PPP3CA: variants seen among roughly 807,000 people sequenced by gnomAD.
PPP3CA encodes the protein CAM-PRP catalytic subunit.
Under a neutral mutation model 66.5 loss-of-function variants are expected in PPP3CA, and 14 were observed. The observed-to-expected ratio is 0.21, with a 90% CI of 0.14 to 0.33. The LOEUF is 0.33. Among genes scored for constraint, PPP3CA ranks in the 10% least tolerant of loss-of-function variants. The pLI is 1.00. For synonymous variants in PPP3CA, 232 were observed against 226.2 expected (o/e 1.03, Z -0.23); for missense variants, 317 against 639.5 (o/e 0.50, Z 5.44).
chr4:101,347,361 G>A lies in PPP3CA; in HGVS notation c.-565C>T. 1 of 195,322 alleles carries A rather than the reference G, an allele frequency of 5.1e-6. No homozygotes were observed. The highest frequency in any genetic ancestry group is 1.0e-5 in the Non-Finnish European group (1 of 97,670). 12.1% of individuals were successfully genotyped at this position (195,322 alleles called of 1,614,324 possible). On this transcript the variant is annotated 5_prime_UTR_variant, in exon 1 of 14. Transcript: ENST00000394854. ...TGCTGCCGCTGCCGCTGTTGCTGCT[G>A]CCGCTGCCCCTGCTTCTCCACACAG...
At chr4:101,092,314 A>G (rs1729989013) in intron 6 of PPP3CA, among the ~76,000 whole-genome samples, 1 of 152,204 alleles carries the variant, frequency 6.6e-6, no homozygotes, top group African/African-American at 2.4e-5. Flanking sequence ...TAAATGATTG[A>G]TTTAACCAAT....
At position 101,195,953 on chromosome 4, in the gene PPP3CA, C is replaced by T. The variant is rs1363401176; in HGVS notation, c.222G>A (p.Gln74=). 1 of 1,613,804 alleles carries T rather than the reference C, an allele frequency of 6.2e-7. No individual in the cohort carries two copies. Among genetic ancestry groups the T allele is most frequent in the Non-Finnish European group, 8.5e-7 (1 of 1,179,900 alleles). ...CATCAATATCCAGCAAATTTTTTTC[C>T]TGTCGAAGAATTGATGCACCCTCTG... ...IITEGASILR[Q]EKNLLDIDAP... Residue 74 remains glutamine (Q), a synonymous_variant, in exon 2 of 14, where the codon CAG becomes CAA. Coordinates refer to ENST00000394854, the MANE Select transcript of PPP3CA (RefSeq NM_000944.5).
chr4:101,189,698 A>AAC (rs1560648865), intron 2 of PPP3CA, among the ~76,000 whole-genome samples: 1 of 151,166 alleles, frequency 6.6e-6, no homozygotes, highest in African/African-American at 2.4e-5. Context: ...AAAAAAAAAA[A>AAC]AAAAAACAAA....
intron 1 of PPP3CA, among the ~76,000 whole-genome samples, chr4:101,344,528 A>T (rs1729917442): frequency 6.6e-6 from 1 of 152,168 alleles, no homozygotes; most frequent in Non-Finnish European, 1.5e-5. Context: ...ACAAATGCAA[A>T]ATTAACTTTT....
rs111679982 is a variant in PPP3CA, at chr4:101,212,338, A to T, written c.59-16222T>A. Among the ~76,000 whole-genome samples the T allele has an allele frequency of 1.1e-3, 164 of 152,288 alleles. 1 individual carries two copies. Among genetic ancestry groups the T allele is most frequent in the African/African-American group, 3.7e-3 (154 of 41,554 alleles). On this transcript the variant is annotated intron_variant, in intron 1 of 13. Coordinates refer to ENST00000394854, the MANE Select transcript of PPP3CA (RefSeq NM_000944.5). The stretch of plus-strand genomic sequence containing the variant: ...AACATGGTTTGAGTTGGAAGCCATT[A>T]TCCTCAGCAAACTAACACAGGAACA...
chr4:101,285,610 T>C lies in PPP3CA; in HGVS notation c.58+61129A>G, dbSNP rs916528282. Among the ~76,000 whole-genome samples the C allele has an allele frequency of 6.7e-3, 894 of 133,362 alleles. 9 individuals carry two copies. Among genetic ancestry groups the C allele is most frequent in the African/African-American group, 0.027 (811 of 29,880 alleles). The allele number at this position is 133,362 out of a possible 152,430, so 87.5% of individuals were successfully genotyped here. A position where few individuals can be genotyped will look rare whatever the true frequency, so the allele number is the denominator to read the frequency against. ...ATGCCACTGTGTGTATGTGTGTGTG[T>C]GTGTGTGTGTGTGTGTGTGTGTGTG... On this transcript the variant is annotated intron_variant, in intron 1 of 13. Transcript: ENST00000394854.
At chr4:101,330,487 G>T in intron 1 of PPP3CA, 2 of 512,416 alleles carry the variant, frequency 3.9e-6, no homozygotes, top group South Asian at 3.0e-5. Flanking sequence ...TTAGCACAAC[G>T]GTTATGTATT....
At chr4:101,106,288 A>G (rs1039683224) in intron 3 of PPP3CA, among the ~76,000 whole-genome samples, 2 of 151,150 alleles carry the variant, frequency 1.3e-5, no homozygotes, top group Non-Finnish European at 2.9e-5. Context: ...GCCACTGCAG[A>G]GAATGAAGCC....
intron 2 of PPP3CA, among the ~76,000 whole-genome samples, chr4:101,138,408 G>A (rs1019438250): frequency 6.6e-6 from 1 of 152,168 alleles, no homozygotes. Context: ...TAATCACCGA[G>A]CACATTAGCT....
chr4:101,066,016 A>G (rs781052445), intron 8 of PPP3CA, among the ~76,000 whole-genome samples: 32 of 152,136 alleles, frequency 2.1e-4, no homozygotes, highest in Non-Finnish European at 3.5e-4. Flanking sequence ...CTTTACAAAC[A>G]TAATTACAAA....
At chr4:101,259,884 G>T (rs1157408809) in intron 1 of PPP3CA, among the ~76,000 whole-genome samples, 1 of 152,052 alleles carries the variant, frequency 6.6e-6, no homozygotes, top group East Asian at 1.9e-4. Flanking sequence ...CCTAAAATCT[G>T]TGCAAGCCAC....
intron 1 of PPP3CA, among the ~76,000 whole-genome samples, chr4:101,340,383 T>A (rs948902717): frequency 1.3e-5 from 2 of 152,166 alleles, no homozygotes; most frequent in African/African-American, 4.8e-5. Context: ...ACATAGCATT[T>A]TAATAATTTA....
chr4:101,275,986 G>A (rs1286867679), intron 1 of PPP3CA, among the ~76,000 whole-genome samples: 4 of 151,400 alleles, frequency 2.6e-5, no homozygotes, highest in African/African-American at 9.7e-5. Context: ...CCTAGAACTC[G>A]AGATCCCAAG....
chr4:101,274,926 G>C (rs1024212850), intron 1 of PPP3CA, among the ~76,000 whole-genome samples: 4 of 152,120 alleles, frequency 2.6e-5, no homozygotes, highest in African/African-American at 9.7e-5. Flanking sequence ...TAAATTGTGT[G>C]AGTAATAGCA....
intron 5 of PPP3CA, among the ~76,000 whole-genome samples, chr4:101,096,813 C>T (rs952544305): frequency 6.6e-6 from 1 of 152,134 alleles, no homozygotes; most frequent in African/African-American, 2.4e-5. Flanking sequence ...ATTTGCTTTC[C>T]TTCTCCACTG....
At chr4:101,093,959 A>G (rs1445083584) in intron 5 of PPP3CA, 44 bp from the exon 6 acceptor site, 1 of 1,532,756 alleles carries the variant, frequency 6.5e-7, no homozygotes, top group Admixed American at 2.0e-5. Context: ...AATCTTTGGA[A>G]ACTTAGAATT....
chr4:101,324,150 G>GAGGAAGGGAGGA (rs1553941992), intron 1 of PPP3CA, among the ~76,000 whole-genome samples: 25 of 97,586 alleles, frequency 2.6e-4, no homozygotes, highest in African/African-American at 1.1e-3. Flanking sequence ...GGAAGGAAGG[G>GAGGAAGGGAGGA]AGGGAGGAAG....
At chr4:101,304,197 G>GTT (rs1483859366) in intron 1 of PPP3CA, among the ~76,000 whole-genome samples, 1 of 151,996 alleles carries the variant, frequency 6.6e-6, no homozygotes, top group African/African-American at 2.4e-5. Context: ...AGTCTCTTAT[G>GTT]TTTTTTCCTA....
At chr4:101,289,006 C>T (rs888602248) in intron 1 of PPP3CA, among the ~76,000 whole-genome samples, 2 of 151,528 alleles carry the variant, frequency 1.3e-5, no homozygotes, top group Admixed American at 6.6e-5. Flanking sequence ...TCTCCAACTG[C>T]GTAGGAGGAA....
Sources: allele counts gnomAD v4.1 joint callset (sites outside exome capture counted in the v4.1 genomes callset), GRCh38; gene constraint gnomAD v4.1.1; transcripts MANE v1.5; gene names NCBI Gene and HGNC (gene_info 2026-07-23, HGNC 2026-07-21).